Variants in LRRTM4 observed in about 807,000 individuals in gnomAD.
The protein encoded by LRRTM4 is leucine rich repeat transmembrane neuronal 4.
In LRRTM4, 25 loss-of-function variants were observed where a neutral mutation model predicts 47.6. The ratio of observed to expected loss-of-function variants is 0.53; its 90% CI spans 0.38 to 0.73. LRRTM4 has a LOEUF of 0.73. Ranked by LOEUF, LRRTM4 falls within the 30% of genes least tolerant of loss-of-function variation. The pLI, the probability that LRRTM4 is intolerant of heterozygous loss-of-function variation, is 0.00. For synonymous variants in LRRTM4, 311 were observed against 269.5 expected, an observed-to-expected ratio of 1.15 and a Z score of -1.51; for missense variants, 638 against 713.4, an observed-to-expected ratio of 0.89 and a Z score of 1.20.
chr2:76,851,424 C>G (rs1389193138), intron 3 of LRRTM4, among the ~76,000 whole-genome samples: 1 of 152,088 alleles, frequency 6.6e-6, no homozygotes, highest in Non-Finnish European at 1.5e-5. Flanking sequence ...CTGGGCATCT[C>G]TTCATTCCTT....
At chr2:77,063,419 G>A (rs780940853) in intron 3 of LRRTM4, among the ~76,000 whole-genome samples, 3 of 151,794 alleles carry the variant, frequency 2.0e-5, no homozygotes, top group East Asian at 1.9e-4. Flanking sequence ...CTAACCATGC[G>A]GCCATTATTT....
At chr2:77,059,968 G>C (rs1232985711) in intron 3 of LRRTM4, among the ~76,000 whole-genome samples, 1 of 152,140 alleles carries the variant, frequency 6.6e-6, no homozygotes, top group East Asian at 1.9e-4. Context: ...TTTTGTATCT[G>C]CTTTGTTTTT....
At chr2:76,774,817 G>A (rs549201658) in intron 3 of LRRTM4, among the ~76,000 whole-genome samples, 27 of 152,256 alleles carry the variant, frequency 1.8e-4, no homozygotes, top group East Asian at 3.9e-4. Context: ...CACTGTTTGC[G>A]TAAGTTTCAG....
At chr2:77,307,594 TATAA>T (rs1207175617) in intron 3 of LRRTM4, among the ~76,000 whole-genome samples, 5 of 112,202 alleles carry the variant, frequency 4.5e-5, no homozygotes, top group Admixed American at 1.1e-4. Context: ...ATTATAGAAA[TATAA>T]ATATATAGAT....
chr2:77,184,605 G>T lies in LRRTM4; in HGVS notation c.1551+333713C>A, dbSNP rs1183004573. On this transcript the variant is annotated intron_variant, in intron 3 of 3. Transcript: ENST00000409884. Reference sequence around the variant, plus strand: ...ATTCTACATAAAGCCTTTCCCAAAGGAGTTCGAGTTTGTCCTTAGATAGGT... The same window carrying T: ...ATTCTACATAAAGCCTTTCCCAAAGTAGTTCGAGTTTGTCCTTAGATAGGT... Among the ~76,000 whole-genome samples the T allele has an allele frequency of 2.6e-5, 4 of 151,996 alleles. No individual in the cohort carries two copies. The East Asian group carries it at 7.7e-4, about 29-fold the overall frequency.
At chr2:77,456,057 C>A (rs1676525963) in intron 3 of LRRTM4, among the ~76,000 whole-genome samples, 1 of 152,106 alleles carries the variant, frequency 6.6e-6, no homozygotes, top group Non-Finnish European at 1.5e-5. Flanking sequence ...TCCATGTCCC[C>A]TACCTTGAGC....
At chr2:77,117,475 A>C (rs1349801046) in intron 3 of LRRTM4, among the ~76,000 whole-genome samples, 1 of 151,820 alleles carries the variant, frequency 6.6e-6, no homozygotes, top group Non-Finnish European at 1.5e-5. Context: ...TTTTACCCCC[A>C]GGTTAACATT....
chr2:77,479,734 CTCTCTT>C lies in LRRTM4; in HGVS notation c.1551+38578_1551+38583del, dbSNP rs375901673. Among the ~76,000 whole-genome samples the C allele has an allele frequency of 1.5e-3, 231 of 151,610 alleles. 1 individual carries two copies. Among genetic ancestry groups the C allele is most frequent in the South Asian group, 1.7e-3 (8 of 4,804 alleles). ...CTCTCTCTTTCTCTTCTCTCCATCT[CTCTCTT>C]TCTCTTTCTCTTTCTCTCTCTCTTT... On this transcript the variant is annotated intron_variant, in intron 3 of 3. Transcript: ENST00000409884.
intron 3 of LRRTM4, among the ~76,000 whole-genome samples, chr2:77,232,923 T>G (rs1294571462): frequency 6.6e-6 from 1 of 152,184 alleles, no homozygotes; most frequent in Non-Finnish European, 1.5e-5. Flanking sequence ...ATGAATTTGT[T>G]AAATATAATT....
chr2:77,029,185 T>C (rs945744361), intron 3 of LRRTM4, among the ~76,000 whole-genome samples: 3 of 151,528 alleles, frequency 2.0e-5, no homozygotes, highest in Non-Finnish European at 2.9e-5. Context: ...GAGGTTGTAT[T>C]AGTCAAGGTT....
intron 3 of LRRTM4, among the ~76,000 whole-genome samples, chr2:76,812,773 TC>T (rs1309542735): frequency 5.7e-5 from 3 of 53,090 alleles, no homozygotes; most frequent in Admixed American, 2.2e-4. Flanking sequence ...CTCCTCTCCC[TC>T]CCCCTCCTCC....
At chr2:77,072,229 A>C (rs1558563009) in intron 3 of LRRTM4, among the ~76,000 whole-genome samples, 1 of 152,162 alleles carries the variant, frequency 6.6e-6, no homozygotes, top group African/African-American at 2.4e-5. Context: ...ATGGGGAAAA[A>C]TTAAATCAAC....
At position 76,779,418 on chromosome 2, in the gene LRRTM4, G is replaced by A. The variant is rs572916192; in HGVS notation, c.1552-30502C>T. The stretch of plus-strand genomic sequence containing the variant: ...TCTAAGTCTCTTTGTAGGTCGCTCA[G>A]GACTTGCTTTATGAATCTGGGTGCT... On this transcript the variant is annotated intron_variant, in intron 3 of 3. Transcript: ENST00000409884. 5.0e-3 allele frequency among the ~76,000 whole-genome samples: 745 copies of A among 149,656 alleles called. 3 individuals carry two copies. The highest frequency in any genetic ancestry group is 9.2e-3 in the Admixed American group (137 of 14,912).
intron 3 of LRRTM4, among the ~76,000 whole-genome samples, chr2:77,111,240 G>A (rs1054288497): frequency 9.3e-5 from 14 of 151,236 alleles, no homozygotes; most frequent in Non-Finnish European, 1.0e-4. Context: ...GCCTCAGGCT[G>A]CCGAGTAGCT....
chr2:76,985,805 G>T (rs569623979), intron 3 of LRRTM4, among the ~76,000 whole-genome samples: 3 of 151,820 alleles, frequency 2.0e-5, no homozygotes, highest in African/African-American at 7.3e-5. Flanking sequence ...TACTACGCAC[G>T]CATCATTTTT....
At chr2:77,222,233 G>C (rs1221677809) in intron 3 of LRRTM4, among the ~76,000 whole-genome samples, 1 of 151,962 alleles carries the variant, frequency 6.6e-6, no homozygotes, top group Non-Finnish European at 1.5e-5. Flanking sequence ...TTATAGCACC[G>C]AATGCCCACA....
chr2:77,516,722 C>A, intron 3 of LRRTM4: 1 of 966,152 alleles, frequency 1.0e-6, no homozygotes, highest in South Asian at 4.8e-5. Context: ...ATACAGTTTC[C>A]TTTTAGGAAT....
chr2:77,511,244 A>G (rs1049307604), intron 3 of LRRTM4, among the ~76,000 whole-genome samples: 3 of 152,054 alleles, frequency 2.0e-5, no homozygotes, highest in South Asian at 2.1e-4. Flanking sequence ...TATAAACTGG[A>G]TAAGTTAGTA....
At chr2:77,291,450 A>G (rs565052131) in intron 3 of LRRTM4, among the ~76,000 whole-genome samples, 1 of 152,224 alleles carries the variant, frequency 6.6e-6, no homozygotes, top group South Asian at 2.1e-4. Flanking sequence ...AAAACTTAAG[A>G]AGCCATGAAT....
Sources: allele counts gnomAD v4.1 joint callset (sites outside exome capture counted in the v4.1 genomes callset), GRCh38; gene constraint gnomAD v4.1.1; transcripts MANE v1.5; gene names NCBI Gene and HGNC (gene_info 2026-07-23, HGNC 2026-07-21).